Variants in TAF6 observed in about 807,000 individuals in gnomAD.
TAF6 encodes the protein transcription initiation factor TFIID subunit 6.
TAF6 carries 50 observed loss-of-function variants against 73.5 expected under a neutral mutation model. That is an observed-to-expected ratio of 0.68 (90% CI 0.54 to 0.86). The LOEUF (loss-of-function observed/expected upper bound fraction) is 0.86, where lower values mean the gene tolerates loss of function less well. Ranked by LOEUF, TAF6 falls within the 40% of genes least tolerant of loss-of-function variation. The pLI, the probability that TAF6 is intolerant of heterozygous loss-of-function variation, is 0.00. For missense variants in TAF6, 768 were observed against 899.5 expected (o/e 0.85, Z 1.87); for synonymous variants, 424 against 376.7 (o/e 1.13, Z -1.45).
chr7:100,123,492 C>A (rs535178866), upstream of TAF6, among the ~76,000 whole-genome samples: 139 of 152,164 alleles, frequency 9.1e-4, no homozygotes, highest in South Asian at 6.6e-3. Context: ...ACATAAGAGA[C>A]CCCCTTCTCT....
upstream of TAF6, chr7:100,124,650 C>G: frequency 6.2e-7 from 1 of 1,611,596 alleles, no homozygotes; most frequent in Non-Finnish European, 8.5e-7. Context: ...AAGGGTTGAA[C>G]TCCTCTCCTG....
At chr7:100,109,457 T>C (rs1211351516) in intron 12 of TAF6, among the ~76,000 whole-genome samples, 1 of 151,960 alleles carries the variant, frequency 6.6e-6, no homozygotes, top group African/African-American at 2.4e-5. Flanking sequence ...AACAGGAGCA[T>C]TGGGGAAGGA....
At chr7:100,107,755 G>A (rs1291012934) in intron 14 of TAF6, 132 bp from the exon 15 acceptor site, 8 of 1,432,608 alleles carry the variant, frequency 5.6e-6, no homozygotes, top group Non-Finnish European at 6.5e-6. Context: ...AGCTATGGCT[G>A]GAGACCTTGT....
At position 100,107,186 on chromosome 7, in the gene TAF6, G is replaced by A. The variant is rs1419176012; in HGVS notation, c.*60C>T. 1.3e-5 allele frequency: 20 copies of A among 1,518,584 alleles called. No individual in the cohort carries two copies. The highest frequency in any genetic ancestry group is 2.2e-5 in the Admixed American group (1 of 45,312). The allele number at this position is 1,518,584 out of a possible 1,614,324, so 94.1% of individuals were successfully genotyped here. On this transcript the variant is annotated 3_prime_UTR_variant, in exon 15 of 15. Transcript: ENST00000453269. ...TTCCGCTTAGCGAGCATGCATGTGT[G>A]TACGTGCACGTGTGTACATGTCTGC...
At chr7:100,113,996 G>C (rs778963944) in intron 2 of TAF6, 42 bp from the exon 3 acceptor site, 31 of 1,614,014 alleles carry the variant, frequency 1.9e-5, no homozygotes, top group Non-Finnish European at 2.5e-5. Flanking sequence ...AAAATCCTAA[G>C]GACGGGGCCC....
In TAF6 at chr7:100,110,089, A is replaced by G. The variant is rs2272338; in HGVS notation, c.1159-16T>C. 0.58 allele frequency: 940,231 copies of G among 1,613,594 alleles called. 277,397 individuals carry two copies. Among genetic ancestry groups the G allele is most frequent in the East Asian group, 0.86 (38,772 of 44,836 alleles). On this transcript the variant is annotated splice_polypyrimidine_tract_variant and intron_variant, in intron 11 of 14. Transcript: ENST00000453269. ...TCTTGATAACCTGTTAGAAGGGAAA[A>G]GGACAAGCAAAAGCCGGAGGGTCAC... is the stretch of plus-strand genomic sequence containing the variant.
intron 3 of TAF6, 45 bp downstream of exon 3, chr7:100,113,823 G>A (rs763093734): frequency 7.5e-6 from 12 of 1,602,564 alleles, no homozygotes; most frequent in South Asian, 1.1e-5. Context: ...AGACCTGGCT[G>A]AAGGATGGCG....
upstream of TAF6, chr7:100,124,829 G>C (rs1318160619): frequency 6.2e-7 from 1 of 1,612,162 alleles, no homozygotes; most frequent in Admixed American, 1.7e-5. Context: ...GGAAGAGGAA[G>C]GGGGAGACAA....
intron 10 of TAF6, among the ~76,000 whole-genome samples, chr7:100,110,502 A>AC (rs2116761871): frequency 6.6e-6 from 1 of 152,060 alleles, no homozygotes; most frequent in South Asian, 2.1e-4. Context: ...CTCTGTCTCT[A>AC]CTAAAAATAC....
chr7:100,126,922 A>C, the TAF6 span: 1 of 155,370 alleles, frequency 6.4e-6, no homozygotes, highest in Non-Finnish European at 1.4e-5. Context: ...CACACGGTGA[A>C]GGCGCCGGAA....
intron 6 of TAF6, 39 bp from the exon 7 acceptor site, chr7:100,112,292 C>T: frequency 1.3e-6 from 2 of 1,595,060 alleles, no homozygotes; most frequent in Middle Eastern, 1.8e-4. Context: ...AAGAAAGCTC[C>T]AGAAGAAACC....
At chr7:100,114,676 C>G (rs1476769359) in intron 1 of TAF6, 1 of 272,034 alleles carries the variant, frequency 3.7e-6, no homozygotes, top group Non-Finnish European at 6.9e-6. Flanking sequence ...GCCGAGATCA[C>G]GCCACTGCAC....
At chr7:100,107,737 C>T (rs1013556468) in intron 14 of TAF6, 114 bp from the exon 15 acceptor site, 5 of 1,469,012 alleles carry the variant, frequency 3.4e-6, no homozygotes, top group Admixed American at 5.0e-5. Flanking sequence ...GTAGTTCACC[C>T]TGTAGACAGC....
upstream of TAF6, chr7:100,120,030 G>A: frequency 3.6e-6 from 2 of 557,324 alleles, no homozygotes; most frequent in South Asian, 5.4e-5. Flanking sequence ...CGAACGTGTA[G>A]TGCCACCTCA....
At chr7:100,113,514 G>GAT (rs1562929173) in intron 4 of TAF6, 102 bp downstream of exon 4, 2 of 1,544,548 alleles carry the variant, frequency 1.3e-6, no homozygotes, top group Non-Finnish European at 1.8e-6. Context: ...ACTCACCAGG[G>GAT]ATCTCACACT....
At chr7:100,108,700 T>A in intron 12 of TAF6, 160 bp from the exon 13 acceptor site, 1 of 694,766 alleles carries the variant, frequency 1.4e-6, no homozygotes, top group Non-Finnish European at 2.4e-6. Context: ...TATGCTGAAC[T>A]ATTAGTGTGT....
intron 1 of TAF6, 78 bp downstream of exon 1, chr7:100,119,126 G>C (rs1797924996): frequency 1.3e-5 from 13 of 986,490 alleles, no homozygotes; most frequent in Non-Finnish European, 1.4e-5. Context: ...GGTTCAGAGA[G>C]CCCACCCCAT....
chr7:100,124,529 GAGGA>G (rs772803925), upstream of TAF6: 1 of 1,612,530 alleles, frequency 6.2e-7, no homozygotes, highest in Non-Finnish European at 8.5e-7. Context: ...GACCATGTTG[GAGGA>G]GTTTGAAGAC....
At position 100,109,990 on chromosome 7, in the gene TAF6, G is replaced by A; in HGVS notation, c.1242C>T (p.Asn414=). Residue 414 remains asparagine, a synonymous_variant, in exon 12 of 15, where the codon AAC becomes AAT. Coordinates refer to ENST00000453269, the MANE Select transcript of TAF6 (RefSeq NM_139315.3). ...RSVLDGPVLS[N]IDRIGADHVQ... ...CATGGTCTGCTCCAATCCGGTCAAT[G>A]TTGCTCAGCACAGGGCCGTCCAGCA... 1 of 1,614,174 alleles carries A rather than the reference G, an allele frequency of 6.2e-7. No individual in the cohort carries two copies. The highest frequency in any genetic ancestry group is 8.5e-7 in the Non-Finnish European group (1 of 1,180,040).
Sources: gnomAD v4.1 joint callset for allele counts (sites outside exome capture counted in the v4.1 genomes callset) on GRCh38, gnomAD v4.1.1 for gene constraint, MANE v1.5 for transcripts, NCBI Gene and HGNC (gene_info 2026-07-23, HGNC 2026-07-21) for gene names.